LRP1B: variants seen among roughly 807,000 people sequenced by gnomAD.
The protein encoded by LRP1B is low-density lipoprotein receptor-related protein 1B.
LRP1B carries 217 observed loss-of-function variants against 556.6 expected under a neutral mutation model. The observed-to-expected ratio is 0.39, with a 90% confidence interval of 0.35 to 0.44. The LOEUF (loss-of-function observed/expected upper bound fraction) is 0.44. LRP1B is among the 20% of genes least tolerant of loss of function. LRP1B has a pLI of 1.00. For missense variants in LRP1B, 5,053 were observed against 5,620.8 expected (o/e 0.90, Z 3.23); for synonymous variants, 2,047 against 1,865.8 (o/e 1.10, Z -2.50).
At chr2:141,929,950 C>A (rs75283753) in intron 1 of LRP1B, among the ~76,000 whole-genome samples, 3 of 141,498 alleles carry the variant, frequency 2.1e-5, no homozygotes, top group South Asian at 2.2e-4. Flanking sequence ...ACAGTTAATG[C>A]AGCACAAGAA....
chr2:140,252,488 G>A (rs922701047), intron 86 of LRP1B, among the ~76,000 whole-genome samples: 2 of 151,898 alleles, frequency 1.3e-5, no homozygotes, highest in South Asian at 2.1e-4. Flanking sequence ...CCACAGAAGC[G>A]GAACTAATAA....
chr2:141,794,452 A>T (rs548245232), intron 2 of LRP1B, among the ~76,000 whole-genome samples: 1 of 152,042 alleles, frequency 6.6e-6, no homozygotes, highest in African/African-American at 2.4e-5. Flanking sequence ...GTTCAGATTG[A>T]AGGGCTCTAG....
intron 2 of LRP1B, among the ~76,000 whole-genome samples, chr2:141,706,918 G>T (rs923270105): frequency 2.0e-5 from 3 of 151,914 alleles, no homozygotes; most frequent in African/African-American, 7.3e-5. Context: ...TAGGCAAAAA[G>T]CCATGTTATC....
intron 7 of LRP1B, among the ~76,000 whole-genome samples, chr2:141,184,534 T>C (rs1486557402): frequency 6.6e-6 from 1 of 151,866 alleles, no homozygotes; most frequent in African/African-American, 2.4e-5. Context: ...CCCAGTTGAT[T>C]ATCATTAGAT....
chr2:141,025,802 C>G (rs780132517), intron 11 of LRP1B, among the ~76,000 whole-genome samples: 5 of 152,010 alleles, frequency 3.3e-5, no homozygotes, highest in Non-Finnish European at 5.9e-5. Context: ...ACACAATGAC[C>G]ATGACTGTGA....
chr2:141,429,964 C>T (rs1645774697), intron 3 of LRP1B, among the ~76,000 whole-genome samples: 1 of 152,080 alleles, frequency 6.6e-6, no homozygotes, highest in Non-Finnish European at 1.5e-5. Context: ...TGTAGACAAC[C>T]ACTCTAACAG....
intron 47 of LRP1B, among the ~76,000 whole-genome samples, chr2:140,529,306 G>A (rs11901153): frequency 0.42 from 62,928 of 151,624 alleles, 13,227 homozygotes; most frequent in Non-Finnish European, 0.45. Flanking sequence ...AAAATATTTA[G>A]TGAGATTTGA....
chr2:141,677,511 A>G (rs1422464342), intron 2 of LRP1B, among the ~76,000 whole-genome samples: 1 of 151,704 alleles, frequency 6.6e-6, no homozygotes, highest in Non-Finnish European at 1.5e-5. Context: ...TTTTTTTGAG[A>G]TGGAATTTCG....
At chr2:141,594,341 G>C (rs372560539) in intron 2 of LRP1B, among the ~76,000 whole-genome samples, 1 of 152,130 alleles carries the variant, frequency 6.6e-6, no homozygotes. Context: ...AAGGCAGATG[G>C]TGAAAGAGAT....
At chr2:140,477,234 C>T (rs1688013249) in intron 59 of LRP1B, among the ~76,000 whole-genome samples, 1 of 151,968 alleles carries the variant, frequency 6.6e-6, no homozygotes, top group African/African-American at 2.4e-5. Context: ...GACCTTGAAT[C>T]TTGGGAATAC....
At chr2:141,212,124 T>C (rs1682580027) in intron 6 of LRP1B, among the ~76,000 whole-genome samples, 1 of 152,048 alleles carries the variant, frequency 6.6e-6, no homozygotes, top group African/African-American at 2.4e-5. Flanking sequence ...ATAATATCCT[T>C]ATAGAAGATG....
intron 1 of LRP1B, among the ~76,000 whole-genome samples, chr2:142,017,660 T>C (rs7581062): frequency 0.45 from 68,607 of 151,706 alleles, 15,982 homozygotes; most frequent in African/African-American, 0.56. Context: ...GGATCACTTG[T>C]GCCCAAGAGT....
chr2:141,436,372 C>T (rs1473648023), intron 3 of LRP1B, among the ~76,000 whole-genome samples: 1 of 152,090 alleles, frequency 6.6e-6, no homozygotes, highest in Admixed American at 6.5e-5. Context: ...GCATTGAACT[C>T]ATAGAAACAG....
chr2:141,887,077 C>A (rs534064136), intron 1 of LRP1B, among the ~76,000 whole-genome samples: 2 of 151,920 alleles, frequency 1.3e-5, no homozygotes, highest in African/African-American at 2.4e-5. Context: ...CTCACTGCAA[C>A]CTCCACCTGC....
chr2:140,699,543 T>C (rs2105417463), intron 41 of LRP1B, among the ~76,000 whole-genome samples: 1 of 151,638 alleles, frequency 6.6e-6, no homozygotes, highest in Non-Finnish European at 1.5e-5. Context: ...TTCCACATAG[T>C]GAAACTGGAA....
chr2:142,044,627 T>A (rs1247943563), intron 1 of LRP1B, among the ~76,000 whole-genome samples: 1 of 150,940 alleles, frequency 6.6e-6, no homozygotes, highest in African/African-American at 2.5e-5. Flanking sequence ...AAAAGCAAAT[T>A]TTTTTTTGTG....
intron 3 of LRP1B, among the ~76,000 whole-genome samples, chr2:141,438,908 A>G (rs1240931899): frequency 6.6e-6 from 1 of 152,180 alleles, no homozygotes; most frequent in African/African-American, 2.4e-5. Context: ...TTGAGAGAAC[A>G]TATTTTAGGA....
At chr2:140,242,889 T>A (rs1038001923) in intron 87 of LRP1B, among the ~76,000 whole-genome samples, 1 of 151,084 alleles carries the variant, frequency 6.6e-6, no homozygotes, top group Non-Finnish European at 1.5e-5. Context: ...AAGGATGATG[T>A]TGAAGAAAAT....
intron 20 of LRP1B, among the ~76,000 whole-genome samples, chr2:140,927,451 A>G (rs909491460): frequency 1.3e-5 from 2 of 152,172 alleles, no homozygotes; most frequent in South Asian, 4.1e-4. Flanking sequence ...TTATGATTGT[A>G]CCATTTTTAA....
Sources: gnomAD v4.1 joint callset for allele counts (sites outside exome capture counted in the v4.1 genomes callset) on GRCh38, gnomAD v4.1.1 for gene constraint, MANE v1.5 for transcripts, NCBI Gene and HGNC (gene_info 2026-07-23, HGNC 2026-07-21) for gene names.